Variants in DGLUCY observed in about 807,000 individuals in gnomAD.
The protein encoded by DGLUCY is D-glutamate cyclase, also known as D-glutamate cyclase, mitochondrial.
Under a neutral mutation model 58.5 loss-of-function variants are expected in DGLUCY, and 58 were observed. That is an observed-to-expected ratio of 0.99 (90% CI 0.80 to 1.23). The LOEUF (loss-of-function observed/expected upper bound fraction) is 1.23, where lower values mean the gene tolerates loss of function less well. Ranked by LOEUF, DGLUCY falls within the 50% of genes most tolerant of loss-of-function variation. The pLI is 0.00. For missense variants in DGLUCY, 779 were observed against 784.7 expected, an observed-to-expected ratio of 0.99 and a Z score of 0.09; for synonymous variants, 325 against 314.1, an observed-to-expected ratio of 1.03 and a Z score of -0.37.
chr14:91,064,987 T>C (rs1475198294), intron 1 of DGLUCY, among the ~76,000 whole-genome samples: 1 of 152,220 alleles, frequency 6.6e-6, no homozygotes, highest in Non-Finnish European at 1.5e-5. Context: ...AATCTTATTT[T>C]CAAATAATTT....
chr14:91,073,704 G>A (rs543793806), intron 1 of DGLUCY, among the ~76,000 whole-genome samples: 3 of 152,204 alleles, frequency 2.0e-5, no homozygotes, highest in Admixed American at 2.0e-4. Context: ...CTGAGGAGCA[G>A]CCTCTAGGAG....
chr14:91,205,818 CCT>C (rs1884554879), intron 12 of DGLUCY, among the ~76,000 whole-genome samples: 1 of 128,260 alleles, frequency 7.8e-6, no homozygotes, highest in African/African-American at 3.1e-5. Flanking sequence ...TCCTCCTCCT[CCT>C]CCTCCTCCCT....
At chr14:91,103,163 C>A (rs1847933551), upstream of DGLUCY, among the ~76,000 whole-genome samples, 2 of 152,090 alleles carry the variant, frequency 1.3e-5, no homozygotes, top group Admixed American at 6.6e-5. Flanking sequence ...GGACCCTGCT[C>A]CCGTAGGCTG....
chr14:91,146,991 G>C (rs546180655), intron 1 of DGLUCY, among the ~76,000 whole-genome samples: 60 of 152,054 alleles, frequency 3.9e-4, no homozygotes, highest in African/African-American at 1.4e-3. Flanking sequence ...CAGGGAAGAA[G>C]TCCCCTGTAG....
intron 7 of DGLUCY, among the ~76,000 whole-genome samples, chr14:91,176,854 A>G (rs1194162276): frequency 5.3e-5 from 8 of 152,152 alleles, no homozygotes; most frequent in Non-Finnish European, 1.2e-4. Context: ...CTCCCACCTC[A>G]GCCTCCCAAA....
At chr14:91,085,615 G>T (rs1192039893) in intron 1 of DGLUCY, among the ~76,000 whole-genome samples, 1 of 149,950 alleles carries the variant, frequency 6.7e-6, no homozygotes, top group Non-Finnish European at 1.5e-5. Flanking sequence ...TATTCCCCAG[G>T]CTGGAGTGCA....
intron 1 of DGLUCY, among the ~76,000 whole-genome samples, chr14:91,082,141 G>A (rs1324117334): frequency 6.6e-6 from 1 of 152,172 alleles, no homozygotes; most frequent in African/African-American, 2.4e-5. Context: ...GCCTGCTATA[G>A]CTGGGTAACA....
intron 13 of DGLUCY, among the ~76,000 whole-genome samples, chr14:91,224,112 G>A (rs566631517): frequency 2.4e-4 from 36 of 152,332 alleles, no homozygotes; most frequent in African/African-American, 8.4e-4. Flanking sequence ...GAGGTCTCAG[G>A]AGAAATGGGG....
intron 1 of DGLUCY, among the ~76,000 whole-genome samples, chr14:91,117,200 A>G (rs560315861): frequency 1.9e-4 from 29 of 152,320 alleles, no homozygotes; most frequent in Non-Finnish European, 3.1e-4. Flanking sequence ...ATGCTAATGC[A>G]TTATGGTTAG....
intron 1 of DGLUCY, among the ~76,000 whole-genome samples, chr14:91,093,120 G>T (rs2140069152): frequency 6.6e-6 from 1 of 151,214 alleles, no homozygotes; most frequent in South Asian, 2.1e-4. Context: ...TGAAACAAAT[G>T]AATAGATACA....
intron 9 of DGLUCY, among the ~76,000 whole-genome samples, chr14:91,196,043 A>G (rs1418161814): frequency 6.6e-6 from 1 of 152,196 alleles, no homozygotes; most frequent in African/African-American, 2.4e-5. Flanking sequence ...CACCGAGGGC[A>G]CATAAATGTA....
At chr14:91,123,986 G>A (rs1385542641) in intron 1 of DGLUCY, among the ~76,000 whole-genome samples, 1 of 147,812 alleles carries the variant, frequency 6.8e-6, no homozygotes, top group Non-Finnish European at 1.5e-5. Context: ...GGAGTGCAGT[G>A]GTGCAATCTT....
chr14:91,112,358 C>G (rs947208890), upstream of DGLUCY, among the ~76,000 whole-genome samples: 2 of 152,064 alleles, frequency 1.3e-5, no homozygotes, highest in African/African-American at 4.8e-5. Flanking sequence ...CTATTTCATT[C>G]TCTGGAAACA....
At chr14:91,152,741 G>T (rs2047396882) in intron 1 of DGLUCY, among the ~76,000 whole-genome samples, 1 of 152,142 alleles carries the variant, frequency 6.6e-6, no homozygotes, top group African/African-American at 2.4e-5. Context: ...CAAGTTGTGG[G>T]ACTCTGGGGA....
chr14:91,066,985 A>G lies in DGLUCY; in HGVS notation c.-82+6281A>G, dbSNP rs557310919. Among the ~76,000 whole-genome samples, 5 of 151,448 alleles carry G rather than the reference A, an allele frequency of 3.3e-5. No individual in the cohort carries two copies. The East Asian group carries it at 9.7e-4, about 29-fold the overall frequency. ...AGTCCCAGCTACTTGGGAGGCTGAG[A>G]CAGCAGAATGGTGTGAACCTGGGAG... On this transcript the variant is annotated intron_variant, in intron 1 of 4. Transcript: ENST00000521334.
At chr14:91,223,882 A>C in intron 13 of DGLUCY, 2 of 364,940 alleles carry the variant, frequency 5.5e-6, no homozygotes, top group South Asian at 4.9e-5. Flanking sequence ...AAGCACACTA[A>C]GGCACAGAAC....
intron 1 of DGLUCY, among the ~76,000 whole-genome samples, chr14:91,070,536 A>G (rs2043897675): frequency 6.6e-6 from 1 of 152,196 alleles, no homozygotes; most frequent in African/African-American, 2.4e-5. Flanking sequence ...TAAAAAAAAT[A>G]CTCAAAGGTG....
intron 12 of DGLUCY, among the ~76,000 whole-genome samples, chr14:91,207,002 T>A (rs892193955): frequency 6.6e-6 from 1 of 151,170 alleles, no homozygotes; most frequent in African/African-American, 2.4e-5. Flanking sequence ...TGTAAACAAT[T>A]TAAAAATTAG....
chr14:91,126,235 G>A (rs1315033446), intron 1 of DGLUCY, among the ~76,000 whole-genome samples: 2 of 152,048 alleles, frequency 1.3e-5, no homozygotes, highest in African/African-American at 2.4e-5. Flanking sequence ...TGTATTAGGG[G>A]GACTATATTC....
Sources: gnomAD v4.1 joint callset for allele counts (sites outside exome capture counted in the v4.1 genomes callset) on GRCh38, gnomAD v4.1.1 for gene constraint, MANE v1.5 for transcripts, NCBI Gene and HGNC (gene_info 2026-07-23, HGNC 2026-07-21) for gene names.